The following BMERB1 variants were observed in gnomAD, a reference collection of about 807,000 sequenced individuals.
The protein encoded by BMERB1 is bMERB domain containing 1.
BMERB1 carries 12 observed loss-of-function variants against 23.6 expected under a neutral mutation model. The observed-to-expected ratio is 0.51, with a 90% confidence interval of 0.33 to 0.82. The LOEUF (loss-of-function observed/expected upper bound fraction) is 0.82, where lower values mean the gene tolerates loss of function less well. Ranked by LOEUF, BMERB1 falls within the 40% of genes least tolerant of loss-of-function variation. The probability of loss-of-function intolerance (pLI) is 0.03; values close to 1 mark genes in which losing one functional copy is unlikely to be tolerated. For missense variants in BMERB1, 247 were observed against 255.4 expected (o/e 0.97, Z 0.22); for synonymous variants, 122 against 96.6 (o/e 1.26, Z -1.54).
rs145959112 is a variant in BMERB1 at position 15,500,407 on chromosome 16, A to G, written c.107-14898A>G. 3.5e-3 allele frequency among the ~76,000 whole-genome samples: 537 copies of G among 152,292 alleles called. 1 individual carries two copies. The highest frequency in any genetic ancestry group is 0.012 in the African/African-American group (506 of 41,568). ...GCCCTGACCAAAGGCAGGGCCACCCATAGGCTGCCAGGGGCTGGAGGTGGG... is the reference window on the plus strand; with the variant it reads ...GCCCTGACCAAAGGCAGGGCCACCCGTAGGCTGCCAGGGGCTGGAGGTGGG... On this transcript the variant is annotated intron_variant, in intron 1 of 5. Transcript: ENST00000300006.
intron 2 of BMERB1, among the ~76,000 whole-genome samples, chr16:15,547,415 C>T (rs539514451): frequency 1.3e-5 from 2 of 151,362 alleles, no homozygotes; most frequent in East Asian, 3.9e-4. Flanking sequence ...GATCTCGGCT[C>T]ACTGCAACCT....
chr16:15,492,552 C>T (rs1306107067), intron 1 of BMERB1, among the ~76,000 whole-genome samples: 1 of 152,180 alleles, frequency 6.6e-6, no homozygotes, highest in Non-Finnish European at 1.5e-5. Context: ...GCAGACACTC[C>T]CTCAGCCAGG....
chr16:15,486,341 C>T (rs1232987638), intron 1 of BMERB1, among the ~76,000 whole-genome samples: 1 of 152,112 alleles, frequency 6.6e-6, no homozygotes, highest in Non-Finnish European at 1.5e-5. Context: ...TCTCACAGAA[C>T]ACAGGGCCAT....
At chr16:15,490,183 T>C (rs1201231236) in intron 1 of BMERB1, among the ~76,000 whole-genome samples, 1 of 151,962 alleles carries the variant, frequency 6.6e-6, no homozygotes, top group African/African-American at 2.4e-5. Flanking sequence ...CCAATATCTT[T>C]TTCCTCCATC....
intron 2 of BMERB1, among the ~76,000 whole-genome samples, chr16:15,530,556 G>A (rs933524249): frequency 1.3e-5 from 2 of 151,532 alleles, no homozygotes; most frequent in African/African-American, 2.4e-5. Flanking sequence ...CCACAGGCAC[G>A]TGCCACCACA....
At chr16:15,451,733 ATTTTTT>A (rs71152429) in intron 1 of BMERB1, among the ~76,000 whole-genome samples, 18 of 77,402 alleles carry the variant, frequency 2.3e-4, no homozygotes, top group African/African-American at 1.1e-3. Context: ...TAGCTAACTA[ATTTTTT>A]TTTTTTTTTT....
At position 15,470,588 on chromosome 16, in the gene BMERB1, C is replaced by T. The variant is rs377684434; in HGVS notation, c.106+35829C>T. ...GTCGCAAGGCTGGAGTGCAGTGGCG[C>T]GATCTCAGCTCACTGCAACCTCCAA... is the stretch of plus-strand genomic sequence containing the variant. On this transcript the variant is annotated intron_variant, in intron 1 of 5. Transcript: ENST00000300006. Among the ~76,000 whole-genome samples the T allele has an allele frequency of 4.0e-5, 6 of 151,276 alleles. 1 individual carries two copies. The East Asian group carries it at 7.8e-4, about 20-fold the overall frequency.
intron 1 of BMERB1, 41 bp from the exon 2 acceptor site, chr16:15,515,264 C>A (rs1449322062): frequency 2.5e-5 from 41 of 1,611,694 alleles, no homozygotes; most frequent in Non-Finnish European, 3.4e-5. Flanking sequence ...CATGGTGCAG[C>A]CTTGGGGTCC....
intron 1 of BMERB1, among the ~76,000 whole-genome samples, chr16:15,513,994 C>T (rs1026353103): frequency 3.3e-5 from 5 of 152,016 alleles, no homozygotes; most frequent in East Asian, 1.9e-4. Flanking sequence ...TTTATATATC[C>T]GTATGTATGC....
chr16:15,513,109 C>G (rs569274977), intron 1 of BMERB1, among the ~76,000 whole-genome samples: 3 of 152,064 alleles, frequency 2.0e-5, no homozygotes, highest in South Asian at 2.1e-4. Context: ...GAGTCTCCCC[C>G]ACTACCGATC....
intron 1 of BMERB1, among the ~76,000 whole-genome samples, chr16:15,435,370 A>G (rs1312014918): frequency 6.6e-6 from 1 of 152,178 alleles, no homozygotes; most frequent in Non-Finnish European, 1.5e-5. Context: ...CAACTCTAGA[A>G]GGCAGTTTCG....
chr16:15,451,768 G>C (rs1178917152), intron 1 of BMERB1, among the ~76,000 whole-genome samples: 1 of 134,116 alleles, frequency 7.5e-6, no homozygotes, highest in Non-Finnish European at 1.6e-5. Flanking sequence ...TAGAGACAGG[G>C]TCTTACTTTA....
intron 4 of BMERB1, 126 bp downstream of exon 4, chr16:15,581,457 C>T (rs1270792406): frequency 1.4e-5 from 9 of 658,704 alleles, no homozygotes; most frequent in Non-Finnish European, 2.0e-5. Context: ...GATCCACAGT[C>T]TCTGGACACT....
intron 2 of BMERB1, among the ~76,000 whole-genome samples, chr16:15,550,528 G>A (rs1399963640): frequency 1.3e-5 from 2 of 151,036 alleles, no homozygotes; most frequent in African/African-American, 2.4e-5. Flanking sequence ...AGTAGAGACG[G>A]GGTTTCACCG....
At chr16:15,480,639 A>T (rs2051312320) in intron 1 of BMERB1, among the ~76,000 whole-genome samples, 2 of 102,852 alleles carry the variant, frequency 1.9e-5, no homozygotes, top group Non-Finnish European at 1.8e-5. Flanking sequence ...TTTGAGACAG[A>T]GTCTCACTCT....
At chr16:15,434,914 A>C (rs1459350312) in intron 1 of BMERB1, among the ~76,000 whole-genome samples, 155 bp downstream of exon 1, 1 of 152,214 alleles carries the variant, frequency 6.6e-6, no homozygotes, top group Non-Finnish European at 1.5e-5. Context: ...AGCTCTGCGC[A>C]GCGACGCGCT....
At chr16:15,547,010 T>C (rs1173502848) in intron 2 of BMERB1, among the ~76,000 whole-genome samples, 2 of 144,640 alleles carry the variant, frequency 1.4e-5, no homozygotes, top group East Asian at 2.1e-4. Context: ...CTGGCTCTTT[T>C]AGCTTTTTTT....
At chr16:15,436,520 A>G (rs978841399) in intron 1 of BMERB1, among the ~76,000 whole-genome samples, 3 of 152,036 alleles carry the variant, frequency 2.0e-5, no homozygotes, top group Non-Finnish European at 2.9e-5. Context: ...TGGCCTCCCA[A>G]AGTGCCGGGA....
intron 3 of BMERB1, among the ~76,000 whole-genome samples, chr16:15,580,395 T>C (rs2030977483): frequency 6.6e-6 from 1 of 151,616 alleles, no homozygotes; most frequent in Non-Finnish European, 1.5e-5. Flanking sequence ...GCAGGCACTA[T>C]GCCCAGCCCA....
Sources: allele counts gnomAD v4.1 joint callset (sites outside exome capture counted in the v4.1 genomes callset), GRCh38; gene constraint gnomAD v4.1.1; transcripts MANE v1.5; gene names NCBI Gene and HGNC (gene_info 2026-07-23, HGNC 2026-07-21).